RAD51: variants seen among roughly 807,000 people sequenced by gnomAD.
RAD51 encodes the protein RAD51 recombinase.
In RAD51, 14 loss-of-function variants were observed where a neutral mutation model predicts 41.5. The ratio of observed to expected loss-of-function variants is 0.34; its 90% CI spans 0.22 to 0.53. The LOEUF (loss-of-function observed/expected upper bound fraction) is 0.53, where lower values mean the gene tolerates loss of function less well. RAD51 is among the 20% of genes least tolerant of loss of function. The pLI is 0.95. For missense variants in RAD51, 234 were observed against 422.0 expected (o/e 0.55, Z 3.90); for synonymous variants, 136 against 148.6 (o/e 0.92, Z 0.62).
At chr15:40,723,283 G>A (rs1365842792) in intron 6 of RAD51, among the ~76,000 whole-genome samples, 1 of 152,006 alleles carries the variant, frequency 6.6e-6, no homozygotes, top group Non-Finnish European at 1.5e-5. Flanking sequence ...TTGCAAAATA[G>A]GTGGCTTCTT....
intron 6 of RAD51, among the ~76,000 whole-genome samples, chr15:40,727,699 A>G (rs988098204): frequency 6.6e-6 from 1 of 151,910 alleles, no homozygotes; most frequent in East Asian, 1.9e-4. Flanking sequence ...TTCACCATAC[A>G]TTCATGATCT....
intron 5 of RAD51, among the ~76,000 whole-genome samples, chr15:40,716,727 C>A (rs1692405156): frequency 7.3e-6 from 1 of 136,342 alleles, no homozygotes; most frequent in Admixed American, 8.3e-5. Flanking sequence ...GTGGCACGAT[C>A]TCGGCTCACT....
intron 5 of RAD51, among the ~76,000 whole-genome samples, chr15:40,718,216 C>G (rs1436353139): frequency 6.7e-6 from 1 of 149,580 alleles, no homozygotes; most frequent in African/African-American, 2.5e-5. Flanking sequence ...GAGTGAGACC[C>G]TGTCTCCAAA....
At chr15:40,703,872 G>C (rs1895155522) in intron 3 of RAD51, among the ~76,000 whole-genome samples, 1 of 151,444 alleles carries the variant, frequency 6.6e-6, no homozygotes, top group South Asian at 2.1e-4. Flanking sequence ...GCTTTGTTTT[G>C]TTTGCTTTTC....
intron 5 of RAD51, among the ~76,000 whole-genome samples, chr15:40,714,255 T>G (rs1044794669): frequency 1.3e-5 from 2 of 152,182 alleles, no homozygotes; most frequent in Non-Finnish European, 2.9e-5. Context: ...CTATAGCTAT[T>G]GCGTGAGCTC....
chr15:40,699,274 G>T (rs1273699324), intron 2 of RAD51, among the ~76,000 whole-genome samples: 2 of 152,188 alleles, frequency 1.3e-5, no homozygotes, highest in Non-Finnish European at 2.9e-5. Context: ...CTCCCAAGTA[G>T]CTGGAATTAC....
Position 40,704,519 on chromosome 15 carries a change from G to C in RAD51, c.226-1658G>C, listed in dbSNP as rs541201512. Among the ~76,000 whole-genome samples, 9 of 151,446 alleles carry C rather than the reference G, an allele frequency of 5.9e-5. No homozygotes were observed. The East Asian group carries it at 1.7e-3, about 29-fold the overall frequency. On this transcript the variant is annotated intron_variant, in intron 3 of 9. Transcript: ENST00000267868. ...TGGGACTACAGGCGCACGCCACCAC[G>C]CCCAGCTATTTTTTGTATTTTTAGT...
At chr15:40,723,978 TTTAA>T (rs1312597586) in intron 6 of RAD51, among the ~76,000 whole-genome samples, 13 of 152,196 alleles carry the variant, frequency 8.5e-5, no homozygotes, top group African/African-American at 3.1e-4. Flanking sequence ...GATAAAACAA[TTTAA>T]TTGTCTGCTG....
At position 40,731,311 on chromosome 15, in the gene RAD51, T is replaced by A; in HGVS notation, c.*133T>A. 8.2e-7 allele frequency: 1 copy of A among 1,218,598 alleles called. No homozygotes were observed. The highest frequency in any genetic ancestry group is 1.3e-5 in the South Asian group (1 of 78,042). The allele number at this position is 1,218,598 out of a possible 1,614,324, so 75.5% of individuals were successfully genotyped here. Reference sequence around the variant, plus strand: ...AAAGCTTCCGGGAAAACAGCTATTATATCAGCTTTTCTGATGGTATAAACA... The same window carrying A: ...AAAGCTTCCGGGAAAACAGCTATTAAATCAGCTTTTCTGATGGTATAAACA... On this transcript the variant is annotated 3_prime_UTR_variant, in exon 10 of 10. Transcript: ENST00000267868.
intron 6 of RAD51, among the ~76,000 whole-genome samples, chr15:40,720,866 T>C (rs1413426535): frequency 6.6e-6 from 1 of 152,172 alleles, no homozygotes; most frequent in African/African-American, 2.4e-5. Context: ...ACATCATGGA[T>C]GGGAAAACTC....
rs1379477892 is a variant in RAD51, at chr15:40,732,239, G to A, written c.*1061G>A. 1 of 179,752 alleles carries A rather than the reference G, an allele frequency of 5.6e-6. No homozygotes were observed. The highest frequency in any genetic ancestry group is 1.2e-5 in the Non-Finnish European group (1 of 84,158). 11.1% of individuals were successfully genotyped at this position (179,752 alleles called of 1,614,324 possible). A position where few individuals can be genotyped will look rare whatever the true frequency, so the allele number is the denominator to read the frequency against. ...AATCTTTTTGGCACTGTATAGGGGT[G>A]ATCAGTTTCTGTTGCTTCAAGATTT... On this transcript the variant is annotated 3_prime_UTR_variant, in exon 10 of 10. Coordinates refer to ENST00000267868, the MANE Select transcript of RAD51 (RefSeq NM_002875.5).
chr15:40,709,125 T>C lies in RAD51; in HGVS notation c.435+9T>C. The C allele has an allele frequency of 6.2e-7, 1 of 1,604,760 alleles. No homozygotes were observed. Among genetic ancestry groups the C allele is most frequent in the East Asian group, 2.2e-5 (1 of 44,830 alleles). On this transcript the variant is annotated intron_variant, in intron 5 of 9. Transcript: ENST00000267868. Reference sequence around the variant, plus strand: ...TAGCTGTCACCTGCCAGGTGAGCTGTTGGGGCTATAGCTAATCAAATAAGC... The same window carrying C: ...TAGCTGTCACCTGCCAGGTGAGCTGCTGGGGCTATAGCTAATCAAATAAGC...
At chr15:40,698,658 C>T (rs1894802947) in intron 1 of RAD51, 99 bp from the exon 2 acceptor site, 1 of 1,184,932 alleles carries the variant, frequency 8.4e-7, no homozygotes. Flanking sequence ...CTTGGCTTTT[C>T]CTAAAGTCTT....
At chr15:40,695,058 C>A (rs1894520630), upstream of RAD51, 1 of 152,328 alleles carries the variant, frequency 6.6e-6, no homozygotes, top group South Asian at 2.1e-4. Flanking sequence ...GGATCAAGCT[C>A]TCGAGCTCCC....
At chr15:40,726,787 C>T (rs1480005534) in intron 6 of RAD51, among the ~76,000 whole-genome samples, 2 of 151,900 alleles carry the variant, frequency 1.3e-5, no homozygotes, top group East Asian at 3.9e-4. Context: ...GTAGCGGGTG[C>T]CTGTAGTCCC....
At chr15:40,718,253 C>T (rs1896083968) in intron 5 of RAD51, among the ~76,000 whole-genome samples, 1 of 150,908 alleles carries the variant, frequency 6.6e-6, no homozygotes, top group Admixed American at 6.6e-5. Context: ...TGCAGTGGCT[C>T]GTGCCTATAA....
At position 40,732,277 on chromosome 15, in the gene RAD51, G is replaced by A. The variant is rs1489184259; in HGVS notation, c.*1099G>A. 5.7e-6 allele frequency: 1 copy of A among 176,750 alleles called. No individual in the cohort carries two copies. The highest frequency in any genetic ancestry group is 1.2e-5 in the Non-Finnish European group (1 of 82,352). The allele number at this position is 176,750 out of a possible 1,614,324, so 10.9% of individuals were successfully genotyped here. A position where few individuals can be genotyped will look rare whatever the true frequency, so the allele number is the denominator to read the frequency against. ...TGCTTCAAGATTTGAAACCAGAAAGGAAAGTCCCACTTGCAGATGATTGTG... is the reference window on the plus strand; with the variant it reads ...TGCTTCAAGATTTGAAACCAGAAAGAAAAGTCCCACTTGCAGATGATTGTG... On this transcript the variant is annotated 3_prime_UTR_variant, in exon 10 of 10. Transcript: ENST00000267868.
At chr15:40,701,320 G>T in intron 3 of RAD51, 119 bp downstream of exon 3, 4 of 1,119,792 alleles carry the variant, frequency 3.6e-6, no homozygotes, top group Non-Finnish European at 5.3e-6. Flanking sequence ...CCTTTCCAGG[G>T]GTGACTGTTA....
chr15:40,716,405 C>T (rs1895987553), intron 5 of RAD51, among the ~76,000 whole-genome samples: 1 of 151,856 alleles, frequency 6.6e-6, no homozygotes, highest in South Asian at 2.1e-4. Context: ...CTCACTCTGT[C>T]ACCCAAACTG....
Sources: gnomAD v4.1 joint callset for allele counts (sites outside exome capture counted in the v4.1 genomes callset) on GRCh38, gnomAD v4.1.1 for gene constraint, MANE v1.5 for transcripts, NCBI Gene and HGNC (gene_info 2026-07-23, HGNC 2026-07-21) for gene names.